TLE6: variants seen among roughly 807,000 people sequenced by gnomAD.
The protein encoded by TLE6 is TLE family member 6, subcortical maternal complex member.
Under a neutral mutation model 77.1 loss-of-function variants are expected in TLE6, and 72 were observed. The observed-to-expected ratio is 0.93, with a 90% CI of 0.77 to 1.14. TLE6 has a LOEUF of 1.14. TLE6 is among the 50% of genes most tolerant of loss of function. TLE6 has a pLI of 0.00. For synonymous variants in TLE6, 366 were observed against 287.3 expected (o/e 1.27, Z -2.77); for missense variants, 843 against 747.6 (o/e 1.13, Z -1.49).
chr19:2,988,917 G>A, intron 11 of TLE6, 144 bp from the exon 12 acceptor site: 1 of 614,382 alleles, frequency 1.6e-6, no homozygotes, highest in Non-Finnish European at 2.3e-6. Flanking sequence ...GCAGGACATT[G>A]AGGGGAGTCT....
chr19:2,992,439 T>C (rs1427884680), intron 14 of TLE6, among the ~76,000 whole-genome samples: 7 of 151,866 alleles, frequency 4.6e-5, no homozygotes, highest in Non-Finnish European at 1.0e-4. Context: ...GCCATTGCAC[T>C]CCAGGCTGCG....
intron 13 of TLE6, among the ~76,000 whole-genome samples, 165 bp downstream of exon 13, chr19:2,989,950 G>A (rs2145054196): frequency 7.8e-6 from 1 of 128,170 alleles, no homozygotes; most frequent in East Asian, 1.9e-4. Flanking sequence ...TTGGATTTGA[G>A]AAAGTTTAGA....
At chr19:2,980,732 G>A (rs987058417) in intron 3 of TLE6, among the ~76,000 whole-genome samples, 2 of 141,164 alleles carry the variant, frequency 1.4e-5, no homozygotes, top group African/African-American at 2.7e-5. Flanking sequence ...AGTGAGACTC[G>A]GTCTTTAAAA....
chr19:2,993,042 A>C (rs866587010), intron 14 of TLE6, among the ~76,000 whole-genome samples: 5 of 149,904 alleles, frequency 3.3e-5, no homozygotes, highest in African/African-American at 9.8e-5. Context: ...AAAAAAAAAA[A>C]AAAAAAAAAA....
intron 14 of TLE6, among the ~76,000 whole-genome samples, chr19:2,992,973 G>C (rs1442103912): frequency 1.4e-5 from 2 of 139,826 alleles, no homozygotes; most frequent in Non-Finnish European, 3.0e-5. Context: ...TGGATCATTT[G>C]AGGTCAGAAG....
rs1188679497 is a variant in TLE6, at chr19:2,993,487, A to G, written c.1442A>G (p.Asn481Ser). ...QEDWVLLGMA[N>S]GQQWLQSTSG... ...GACTGGGTGCTGCTGGGCATGGCCA[A>G]TGGCCAGCAGTGGCTGCAAAGCACC... Residue 481 changes from asparagine to serine, a missense_variant, in exon 15 of 17, where the codon AAT becomes AGT. By Grantham distance (46) the Asn-to-Ser change is conservative. Transcript: ENST00000246112. 1.0e-5 allele frequency: 16 copies of G among 1,601,416 alleles called. 1 individual carries two copies. The highest frequency in any genetic ancestry group is 1.4e-5 in the Non-Finnish European group (16 of 1,170,584).
intron 13 of TLE6, among the ~76,000 whole-genome samples, chr19:2,991,463 CTA>C (rs1156428361): frequency 6.7e-6 from 1 of 148,462 alleles, no homozygotes; most frequent in Admixed American, 6.9e-5. Flanking sequence ...TATAAGATAT[CTA>C]TCAGCATATG....
At chr19:2,988,423 C>A (rs527904226) in intron 11 of TLE6, among the ~76,000 whole-genome samples, 1 of 152,146 alleles carries the variant, frequency 6.6e-6, no homozygotes, top group African/African-American at 2.4e-5. Flanking sequence ...GGTGAAACCC[C>A]GTCTCTACTA....
At chr19:2,994,780 G>A (rs1410449553) in intron 16 of TLE6, 120 bp from the exon 17 acceptor site, 7 of 581,476 alleles carry the variant, frequency 1.2e-5, no homozygotes, top group Non-Finnish European at 2.1e-5. Context: ...CTCCAGCCTG[G>A]GCAACAGAGC....
At position 2,986,830 on chromosome 19, in the gene TLE6, T is replaced by A. The variant is rs1448902021; in HGVS notation, c.224T>A (p.Ile75Lys). ...GTTTTGCTGCCAACCTCCTTCTAGA[T>A]AGGAAACGTCTTACAGATTGTGGAG... is the stretch of plus-strand genomic sequence containing the variant. ...QQDVAEHHKQ[I>K]GNVLQIVESC... The change falls in exon 6 of 17, where the codon ATA (isoleucine) becomes AAA (lysine). Residue 75 changes from isoleucine to lysine, a missense_variant and splice_region_variant. By Grantham distance (102) the Ile-to-Lys change is moderately radical. Transcript: ENST00000246112. 6.4e-7 allele frequency: 1 copy of A among 1,551,662 alleles called. No homozygotes were observed. The highest frequency in any genetic ancestry group is 8.7e-7 in the Non-Finnish European group (1 of 1,146,974).
At position 2,991,043 on chromosome 19, in the gene TLE6, T is replaced by TAC. The variant is rs1484632172; in HGVS notation, c.1245-799_1245-798insCA. Among the ~76,000 whole-genome samples the TAC allele has an allele frequency of 4.3e-3, 606 of 140,326 alleles. 5 individuals are homozygous for TAC. The highest frequency in any genetic ancestry group is 0.015 in the African/African-American group (539 of 35,174). 92.1% of individuals were successfully genotyped at this position (140,326 alleles called of 152,430 possible). A position where few individuals can be genotyped will look rare whatever the true frequency, so the allele number is the denominator to read the frequency against. On this transcript the variant is annotated intron_variant, in intron 13 of 16. Coordinates refer to ENST00000246112, the MANE Select transcript of TLE6 (RefSeq NM_001143986.2). ...ATACATACATACATACATACATACA[T>TAC]ATATGTATACACACACACATATTAA...
At chr19:2,987,689 G>A (rs1375472226) in intron 8 of TLE6, 35 bp from the exon 9 acceptor site, 1 of 1,612,350 alleles carries the variant, frequency 6.2e-7, no homozygotes, top group Non-Finnish European at 8.5e-7. Context: ...TAACAGGCAG[G>A]TCAGCAGGCC....
rs1490846335 is a variant in TLE6, at chr19:2,978,266, C to G, written c.33C>G (p.Gly11=). Residue 11 remains glycine (G), a synonymous_variant, in exon 2 of 17, where the codon GGC becomes GGG. Coordinates refer to ENST00000246112, the MANE Select transcript of TLE6 (RefSeq NM_001143986.2). ...CTAGGGACCAGCCCAGACCCAAGGG[C>G]CCCCCGAAAAGCACTTCGGTGAGGA... MTSRDQPRPK[G]PPKSTSPCPG... 6.4e-7 allele frequency: 1 copy of G among 1,551,446 alleles called. No individual in the cohort carries two copies. Among genetic ancestry groups the G allele is most frequent in the East Asian group, 2.4e-5 (1 of 40,922 alleles).
At position 2,980,163 on chromosome 19, in the gene TLE6, C is replaced by G; in HGVS notation, c.115C>G (p.Arg39Gly). 1 of 1,548,182 alleles carries G rather than the reference C, an allele frequency of 6.5e-7. No individual in the cohort carries two copies. Among genetic ancestry groups the G allele is most frequent in the African/African-American group, 1.4e-5 (1 of 72,964 alleles). ...PTLNYQGILNRLKQFPRFSPH... is the reference protein window; with the variant it reads ...PTLNYQGILNGLKQFPRFSPH... ...GCTGAATTATCAGGGCATTCTAAAT[C>G]GGCTCAAGCAGTTCCCCAGGTGAGA... Residue 39 changes from arginine (R) to glycine (G), a missense_variant, in exon 3 of 17, where the codon CGG becomes GGG. By Grantham distance (125) the Arg-to-Gly change is moderately radical. Transcript: ENST00000246112.
Position 2,989,536 on chromosome 19 carries a change from C to A in TLE6, c.995C>A (p.Thr332Asn). The A allele has an allele frequency of 6.2e-7, 1 of 1,611,282 alleles. No individual in the cohort carries two copies. Among genetic ancestry groups the A allele is most frequent in the South Asian group, 1.1e-5 (1 of 90,878 alleles). ...RFPESHLPIQTPGAFLRTCLL... is the reference protein window; with the variant it reads ...RFPESHLPIQNPGAFLRTCLL... Reference sequence around the variant, plus strand: ...TCACAGTGACTCTGCCCATCCCAGACCCCTGGGGCCTTCCTGCGCACCTGC... The same window carrying A: ...TCACAGTGACTCTGCCCATCCCAGAACCCTGGGGCCTTCCTGCGCACCTGC... The change falls in exon 13 of 17, where the codon ACC becomes AAC. Residue 332 changes from threonine (T) to asparagine (N), a missense_variant and splice_region_variant. By Grantham distance (65) the Thr-to-Asn change is moderately conservative (BLOSUM62 0). Transcript: ENST00000246112.
intron 11 of TLE6, 134 bp from the exon 12 acceptor site, chr19:2,988,927 T>G (rs2088976960): frequency 8.8e-7 from 1 of 1,136,440 alleles, no homozygotes. Flanking sequence ...GAGGGGAGTC[T>G]AGAGGGTAAA....
intron 5 of TLE6, among the ~76,000 whole-genome samples, chr19:2,986,199 G>A (rs573179115): frequency 2.0e-5 from 3 of 151,024 alleles, no homozygotes; most frequent in Admixed American, 1.3e-4. Context: ...GATAGTTTGA[G>A]GCCAGGAATT....
In TLE6 at chr19:2,989,415, G is replaced by GA. The variant is rs898793602; in HGVS notation, c.993+106dup. 9 of 1,577,796 alleles carry GA rather than the reference G, an allele frequency of 5.7e-6. No homozygotes were observed. In the African/African-American group the frequency reaches 1.1e-4, roughly 19 times the overall value. ...AGATCGTGGAGAGAGGGCTTCCAGG[G>GA]AAAAGGGGCATAATAGCTAGGAACC... On this transcript the variant is annotated intron_variant, in intron 12 of 16. Transcript: ENST00000246112.
At chr19:2,979,191 A>T (rs1011220284) in intron 2 of TLE6, among the ~76,000 whole-genome samples, 1 of 151,908 alleles carries the variant, frequency 6.6e-6, no homozygotes, top group Admixed American at 6.6e-5. Context: ...TGACCTCGTG[A>T]TCTGCCTGCC....
Sources: gnomAD v4.1 joint callset for allele counts (sites outside exome capture counted in the v4.1 genomes callset) on GRCh38, gnomAD v4.1.1 for gene constraint, MANE v1.5 for transcripts, NCBI Gene and HGNC (gene_info 2026-07-23, HGNC 2026-07-21) for gene names.